The following RASL12 variants were observed in gnomAD, a reference collection of about 807,000 sequenced individuals.
The protein encoded by RASL12 is RAS like family 12.
Under a neutral mutation model 22.9 loss-of-function variants are expected in RASL12, and 16 were observed. The ratio of observed to expected loss-of-function variants is 0.70; its 90% CI spans 0.47 to 1.06. The LOEUF (loss-of-function observed/expected upper bound fraction) is 1.06, where lower values mean the gene tolerates loss of function less well. Among genes scored for constraint, RASL12 ranks in the 50% least tolerant of loss-of-function variants. RASL12 has a pLI of 0.00. For missense variants in RASL12, 306 were observed against 353.1 expected (o/e 0.87, Z 1.07); for synonymous variants, 159 against 152.2 (o/e 1.04, Z -0.33).
chr15:65,064,325 G>A (rs1259020072), intron 2 of RASL12, among the ~76,000 whole-genome samples: 4 of 152,182 alleles, frequency 2.6e-5, no homozygotes, highest in Admixed American at 2.6e-4. Flanking sequence ...TTACAGATGA[G>A]GAAACAGTAG....
chr15:65,071,883 G>T (rs1416733876), upstream of RASL12, among the ~76,000 whole-genome samples: 2 of 152,228 alleles, frequency 1.3e-5, no homozygotes, highest in African/African-American at 4.8e-5. Flanking sequence ...GGCTAGTGCA[G>T]GTGAGGAGTG....
In RASL12 at chr15:65,067,715, C is replaced by T; in HGVS notation, c.103+18G>A. ...CCAGCTCCGCACTTGGCGGCTCAGG[C>T]TCCCCGGCGCCACTCACCAGACTTG... On this transcript the variant is annotated intron_variant, in intron 1 of 4. Transcript: ENST00000220062. 6.5e-7 allele frequency: 1 copy of T among 1,538,686 alleles called. No individual in the cohort carries two copies.
At chr15:65,076,099 C>T (rs1016083640) in intron 1 of RASL12, among the ~76,000 whole-genome samples, 1 of 152,194 alleles carries the variant, frequency 6.6e-6, no homozygotes, top group Admixed American at 6.5e-5. Flanking sequence ...TCAAAACAGG[C>T]CACTTGGCTC....
chr15:65,070,039 T>C (rs149101545), upstream of RASL12, among the ~76,000 whole-genome samples: 589 of 152,242 alleles, frequency 3.9e-3, 2 homozygotes, highest in East Asian at 0.011. Context: ...CCCTTCTGGG[T>C]CTCTGTTCCT....
At chr15:65,075,333 C>T (rs962710317) in intron 1 of RASL12, among the ~76,000 whole-genome samples, 2 of 152,222 alleles carry the variant, frequency 1.3e-5, no homozygotes, top group East Asian at 1.9e-4. Context: ...CTGTGCGGCC[C>T]GAGCCTCCCC....
chr15:65,058,531 A>C lies in RASL12; in HGVS notation c.321T>G (p.Asp107Glu). The C allele has an allele frequency of 6.2e-7, 1 of 1,611,834 alleles. No individual in the cohort carries two copies. Among genetic ancestry groups the C allele is most frequent in the Admixed American group, 1.7e-5 (1 of 59,894 alleles). Residue 107 changes from aspartate to glutamate, a missense_variant, in exon 4 of 5, where the codon GAT (aspartate) becomes GAG (glutamate). Transcript: ENST00000220062. ...GCAGCTCCAGGTAGCTGCTGCTGCT[A>C]TCAAAGCTCTGGCGGCTGTCGACGC... ...VYSVDSRQSF[D>E]SSSSYLELLA...
chr15:65,051,767 A>ATAAC (rs1555405606), downstream of RASL12, among the ~76,000 whole-genome samples: 14 of 150,374 alleles, frequency 9.3e-5, no homozygotes, highest in Non-Finnish European at 1.9e-4. Context: ...CAAGCTGTTA[A>ATAAC]AAACAAACAA....
chr15:65,076,154 G>A (rs955399573), intron 1 of RASL12, among the ~76,000 whole-genome samples: 4 of 152,198 alleles, frequency 2.6e-5, no homozygotes, highest in African/African-American at 4.8e-5. Context: ...GAGAATAAAC[G>A]CAGGCTACCC....
intron 4 of RASL12, among the ~76,000 whole-genome samples, chr15:65,056,975 T>C (rs1193162160): frequency 6.6e-6 from 1 of 152,194 alleles, no homozygotes; most frequent in East Asian, 1.9e-4. Context: ...TTCCCTGTAC[T>C]GAAAACTGGC....
In RASL12 at chr15:65,067,881, G is replaced by A. The variant is rs961191001; in HGVS notation, c.-46C>T. 7.1e-7 allele frequency: 1 copy of A among 1,398,994 alleles called. No individual in the cohort carries two copies. The highest frequency in any genetic ancestry group is 9.2e-7 in the Non-Finnish European group (1 of 1,082,840). 86.7% of individuals were successfully genotyped at this position (1,398,994 alleles called of 1,614,324 possible). ...CGCAGGTCTGCGGCCGGTGGGCCCC[G>A]CGCAGTGCGCCCGCCCGTCGGGGCC... On this transcript the variant is annotated 5_prime_UTR_variant, in exon 1 of 5. Coordinates refer to ENST00000220062, the MANE Select transcript of RASL12 (RefSeq NM_016563.4).
the RASL12 span, among the ~76,000 whole-genome samples, chr15:65,045,972 C>A: frequency 3.3e-5 from 5 of 152,158 alleles, no homozygotes; most frequent in African/African-American, 1.2e-4. Flanking sequence ...TCGAGACCAC[C>A]CCGGCTAACG....
At chr15:65,053,041 C>A, downstream of RASL12, 1 of 1,613,994 alleles carries the variant, frequency 6.2e-7, no homozygotes, top group Non-Finnish European at 8.5e-7. Context: ...ATCACAACAG[C>A]CTAAACAACC....
intron 4 of RASL12, among the ~76,000 whole-genome samples, chr15:65,058,097 C>T (rs1414868086): frequency 6.6e-6 from 1 of 152,162 alleles, no homozygotes; most frequent in African/African-American, 2.4e-5. Context: ...GGCGAAACCC[C>T]ATCTCTACTA....
chr15:65,076,623 C>T (rs1431274679), exon 1 of RASL12: 1 of 702,350 alleles, frequency 1.4e-6, no homozygotes, highest in Admixed American at 2.0e-5. Flanking sequence ...TGAGTGATCA[C>T]ACAGGTCTCC....
upstream of RASL12, among the ~76,000 whole-genome samples, chr15:65,070,120 T>C (rs2086921227): frequency 6.6e-6 from 1 of 152,112 alleles, no homozygotes; most frequent in African/African-American, 2.4e-5. Context: ...ATAAAAAAAT[T>C]AGCTGGGTAT....
chr15:65,060,737 C>A (rs1192501381), intron 2 of RASL12, among the ~76,000 whole-genome samples: 1 of 152,198 alleles, frequency 6.6e-6, no homozygotes, highest in Non-Finnish European at 1.5e-5. Context: ...GCCTTCCTGG[C>A]AGCATCCACT....
upstream of RASL12, among the ~76,000 whole-genome samples, chr15:65,069,339 T>C (rs780930283): frequency 1.3e-5 from 2 of 152,102 alleles, no homozygotes; most frequent in Non-Finnish European, 2.9e-5. Flanking sequence ...TGGCCAAGGG[T>C]TTTCCTTTGA....
rs759830400 is a variant in RASL12 at position 65,058,509 on chromosome 15, G to A, written c.343C>T (p.Leu115=). The A allele has an allele frequency of 2.3e-5, 37 of 1,611,326 alleles. No homozygotes were observed. Among genetic ancestry groups the A allele is most frequent in the Non-Finnish European group, 3.4e-6 (4 of 1,178,300 alleles). The change falls in exon 4 of 5, where the codon CTG becomes TTG. Residue 115 remains leucine (L), a synonymous_variant. Coordinates refer to ENST00000220062, the MANE Select transcript of RASL12 (RefSeq NM_016563.4). ...GTCTCCTTCGCGTGCAAGGCAAGCA[G>A]CTCCAGGTAGCTGCTGCTGCTATCA... The part of the protein sequence containing the change: ...SFDSSSSYLE[L]LALHAKETQR...
At chr15:65,066,657 C>G (rs1002759007) in intron 1 of RASL12, among the ~76,000 whole-genome samples, 6 of 152,074 alleles carry the variant, frequency 3.9e-5, no homozygotes, top group Non-Finnish European at 7.4e-5. Flanking sequence ...TAAACGGTAC[C>G]GGTTACAGAG....
Sources: allele counts gnomAD v4.1 joint callset (sites outside exome capture counted in the v4.1 genomes callset), GRCh38; gene constraint gnomAD v4.1.1; transcripts MANE v1.5; gene names NCBI Gene and HGNC (gene_info 2026-07-23, HGNC 2026-07-21).